The following KITLG variants were observed in gnomAD, a reference collection of about 807,000 sequenced individuals.
The protein encoded by KITLG is c-Kit ligand.
Under a neutral mutation model 34.1 loss-of-function variants are expected in KITLG, and 13 were observed. The ratio of observed to expected loss-of-function variants is 0.38; its 90% CI spans 0.25 to 0.61. The LOEUF (loss-of-function observed/expected upper bound fraction) is 0.61. KITLG is among the 20% of genes least tolerant of loss of function. The pLI is 0.60. For missense variants in KITLG, 292 were observed against 318.9 expected, an observed-to-expected ratio of 0.92 and a Z score of 0.64; for synonymous variants, 110 against 104.0, an observed-to-expected ratio of 1.06 and a Z score of -0.35.
intron 1 of KITLG, among the ~76,000 whole-genome samples, chr12:88,549,990 T>C (rs2407203): frequency 0.67 from 101,479 of 151,538 alleles, 37,091 homozygotes; most frequent in Middle Eastern, 0.87. Flanking sequence ...CCGAGTAAGA[T>C]AAGGACTGAT....
intron 1 of KITLG, among the ~76,000 whole-genome samples, chr12:88,571,425 C>G (rs1871646561): frequency 6.6e-6 from 1 of 152,120 alleles, no homozygotes; most frequent in South Asian, 2.1e-4. Context: ...CCATTCAAAC[C>G]TTTGCTATTC....
chr12:88,532,364 G>C, intron 3 of KITLG, 77 bp downstream of exon 3: 1 of 1,025,132 alleles, frequency 9.8e-7, no homozygotes, highest in Non-Finnish European at 1.5e-6. Context: ...ATAGCAGCTA[G>C]TGTACTATCT....
chr12:88,556,819 G>A (rs1033190542), intron 1 of KITLG, among the ~76,000 whole-genome samples: 3 of 152,116 alleles, frequency 2.0e-5, no homozygotes, highest in Non-Finnish European at 2.9e-5. Flanking sequence ...AGTTGATTGT[G>A]GGGTACAGCA....
In KITLG at chr12:88,493,227, G is replaced by T. The variant is rs932582638; in HGVS notation, c.*3992C>A. ...GAGATCAAGTACTGGAAAACGGTGT[G>T]GTTTTTAGTTTAACAGTTGTTTTAA... On this transcript the variant is annotated 3_prime_UTR_variant, in exon 10 of 10. Coordinates refer to ENST00000644744, the MANE Select transcript of KITLG (RefSeq NM_000899.5). 2 of 152,112 alleles carry T rather than the reference G, an allele frequency of 1.3e-5. No homozygotes were observed. Among genetic ancestry groups the T allele is most frequent in the Admixed American group, 6.6e-5 (1 of 15,190 alleles). The allele number at this position is 152,112 out of a possible 1,614,324, so 9.4% of individuals were successfully genotyped here.
rs547487735 is a variant in KITLG, at chr12:88,494,577, G to A, written c.*2642C>T. The stretch of plus-strand genomic sequence containing the variant: ...CTGACTCATTAAAATGTGGCAGTGT[G>A]GTAAGCACATTAAATTACAATACAA... On this transcript the variant is annotated 3_prime_UTR_variant, in exon 10 of 10. Coordinates refer to ENST00000644744, the MANE Select transcript of KITLG (RefSeq NM_000899.5). 1 of 152,468 alleles carries A rather than the reference G, an allele frequency of 6.6e-6. No individual in the cohort carries two copies. Among genetic ancestry groups the A allele is most frequent in the South Asian group, 2.1e-4 (1 of 4,816 alleles). The allele number at this position is 152,468 out of a possible 1,614,324, so 9.4% of individuals were successfully genotyped here.
In KITLG at chr12:88,550,619, G is replaced by T. The variant is rs539078305; in HGVS notation, c.16-4754C>A. On this transcript the variant is annotated intron_variant, in intron 1 of 9. Transcript: ENST00000644744. ...CTAATTTTAAAGATGAAGGAGTTGA[G>T]GTACAGGGAGGTTTGGTGACTTCTG... Among the ~76,000 whole-genome samples, 8 of 152,220 alleles carry T rather than the reference G, an allele frequency of 5.3e-5. No individual in the cohort carries two copies. The South Asian group carries it at 1.5e-3, about 28-fold the overall frequency.
chr12:88,537,480 G>A (rs773929354), intron 2 of KITLG, among the ~76,000 whole-genome samples: 22 of 151,876 alleles, frequency 1.4e-4, no homozygotes, highest in Non-Finnish European at 3.2e-4. Flanking sequence ...CAACTAGATA[G>A]GAAGCAGGAA....
chr12:88,548,872 A>G (rs770559667), intron 1 of KITLG, among the ~76,000 whole-genome samples: 34 of 152,196 alleles, frequency 2.2e-4, no homozygotes, highest in Non-Finnish European at 8.8e-5. Flanking sequence ...ATCACCAGGC[A>G]TCTCTGAGTC....
intron 2 of KITLG, among the ~76,000 whole-genome samples, chr12:88,535,021 C>T (rs952825734): frequency 6.6e-6 from 1 of 151,950 alleles, no homozygotes; most frequent in Non-Finnish European, 1.5e-5. Flanking sequence ...ACACAAGCTG[C>T]TTAACAATCC....
Position 88,505,169 on chromosome 12 carries a change from A to C in KITLG, c.*27T>G. 6.4e-7 allele frequency: 1 copy of C among 1,566,100 alleles called. No homozygotes were observed. On this transcript the variant is annotated 3_prime_UTR_variant, in exon 9 of 10. Coordinates refer to ENST00000644744, the MANE Select transcript of KITLG (RefSeq NM_000899.5). ...AAGAAAAAAACTTACCAATGTACGA[A>C]AGTAACAGTGTTGATACAAGCCACA...
intron 1 of KITLG, among the ~76,000 whole-genome samples, chr12:88,563,928 C>CTCCA (rs1418660803): frequency 1.3e-5 from 2 of 151,338 alleles, no homozygotes; most frequent in Admixed American, 1.3e-4. Flanking sequence ...CACCATTGCA[C>CTCCA]TCCAGCAGGG....
At chr12:88,518,150 G>T (rs1415529866) in intron 4 of KITLG, among the ~76,000 whole-genome samples, 1 of 152,228 alleles carries the variant, frequency 6.6e-6, no homozygotes, top group East Asian at 1.9e-4. Flanking sequence ...TACGCTCACA[G>T]AACTCATTAG....
chr12:88,564,230 C>T (rs796441496), intron 1 of KITLG: 1 of 152,128 alleles, frequency 6.6e-6, no homozygotes, highest in African/African-American at 2.4e-5. Flanking sequence ...AGTCTTGACT[C>T]TTAATAATGC....
At position 88,523,343 on chromosome 12, in the gene KITLG, A is replaced by C. The variant is rs560468504; in HGVS notation, c.193-4476T>G. ...CAGGTTACATAACAAATTTACACAG[A>C]AACGCGAGAAACCAGGACTCTCGAT... On this transcript the variant is annotated intron_variant, in intron 3 of 9. Coordinates refer to ENST00000644744, the MANE Select transcript of KITLG (RefSeq NM_000899.5). Among the ~76,000 whole-genome samples the C allele has an allele frequency of 5.3e-5, 8 of 152,288 alleles. No homozygotes were observed. The South Asian group carries it at 6.2e-4, about 12-fold the overall frequency.
intron 9 of KITLG, among the ~76,000 whole-genome samples, chr12:88,497,693 G>A (rs1308446859): frequency 6.6e-6 from 1 of 152,206 alleles, no homozygotes; most frequent in East Asian, 1.9e-4. Flanking sequence ...AGTGTCTGGA[G>A]AGTGGAGATT....
chr12:88,515,507 T>C, intron 6 of KITLG, 27 bp downstream of exon 6: 2 of 1,435,644 alleles, frequency 1.4e-6, no homozygotes, highest in Non-Finnish European at 2.0e-6. Context: ...GAGCCATGCA[T>C]GCATTAAATC....
chr12:88,542,282 T>C (rs1005689244), intron 2 of KITLG, among the ~76,000 whole-genome samples: 4 of 152,168 alleles, frequency 2.6e-5, no homozygotes, highest in African/African-American at 9.7e-5. Context: ...ACATAAGGCA[T>C]ATGAAGGCAG....
intron 2 of KITLG, among the ~76,000 whole-genome samples, chr12:88,540,665 C>T (rs1870486429): frequency 1.3e-5 from 2 of 151,962 alleles, no homozygotes. Context: ...ATTCAATGAG[C>T]AGAAGACATA....
chr12:88,564,939 T>C (rs1871398443), intron 1 of KITLG, among the ~76,000 whole-genome samples: 1 of 152,206 alleles, frequency 6.6e-6, no homozygotes, highest in African/African-American at 2.4e-5. Flanking sequence ...GATGATGGCT[T>C]CTAACCACAC....
Sources: gnomAD v4.1 joint callset for allele counts (sites outside exome capture counted in the v4.1 genomes callset) on GRCh38, gnomAD v4.1.1 for gene constraint, MANE v1.5 for transcripts, NCBI Gene and HGNC (gene_info 2026-07-23, HGNC 2026-07-21) for gene names.